ANO6: variants seen among roughly 807,000 people sequenced by gnomAD.
ANO6 encodes anoctamin 6, also known as anoctamin-6.
A neutral mutation model predicts 117.5 loss-of-function variants in ANO6; 106 were observed. The observed-to-expected ratio is 0.90, with a 90% CI of 0.77 to 1.06. ANO6 has a LOEUF of 1.06. Ranked by LOEUF, ANO6 falls within the 50% of genes least tolerant of loss-of-function variation. The probability of loss-of-function intolerance (pLI) is 0.00; values close to 1 mark genes in which losing one functional copy is unlikely to be tolerated. For missense variants in ANO6, 955 were observed against 1,121.1 expected, an observed-to-expected ratio of 0.85 and a Z score of 2.12; for synonymous variants, 367 against 385.1, an observed-to-expected ratio of 0.95 and a Z score of 0.55.
At chr12:45,407,260 G>A (rs879309071) in intron 15 of ANO6, among the ~76,000 whole-genome samples, 6 of 152,196 alleles carry the variant, frequency 3.9e-5, no homozygotes, top group Non-Finnish European at 7.3e-5. Flanking sequence ...GTAGTTGCCA[G>A]GACAGAAGTT....
intron 15 of ANO6, among the ~76,000 whole-genome samples, 155 bp downstream of exon 15, chr12:45,403,691 A>G (rs1942859505): frequency 6.6e-6 from 1 of 152,214 alleles, no homozygotes; most frequent in Non-Finnish European, 1.5e-5. Flanking sequence ...TCCAGACAAC[A>G]TAGTCCAACC....
intron 1 of ANO6, among the ~76,000 whole-genome samples, chr12:45,241,370 A>C (rs1037054981): frequency 2.6e-5 from 4 of 152,196 alleles, no homozygotes; most frequent in African/African-American, 9.6e-5. Flanking sequence ...CATGCGTCAC[A>C]AAGTTCTCAT....
chr12:45,293,138 T>G (rs536152477), intron 1 of ANO6, among the ~76,000 whole-genome samples: 1 of 152,344 alleles, frequency 6.6e-6, no homozygotes, highest in South Asian at 2.1e-4. Flanking sequence ...ACTCTCTTAT[T>G]ATCTAAGCAA....
Position 45,288,058 on chromosome 12 carries a change from T to C in ANO6, c.71-13956T>C, listed in dbSNP as rs562950093. Among the ~76,000 whole-genome samples the C allele has an allele frequency of 4.9e-4, 75 of 152,256 alleles. No homozygotes were observed. The South Asian group carries it at 5.4e-3, about 11-fold the overall frequency. On this transcript the variant is annotated intron_variant, in intron 1 of 19. Coordinates refer to ENST00000320560, the MANE Select transcript of ANO6 (RefSeq NM_001025356.3). ...GTCCCCTCCACCCGTCAGATGGTCG[T>C]TATGGACTGAAGCCTCAGAAGAGCT...
intron 3 of ANO6, among the ~76,000 whole-genome samples, chr12:45,341,517 ATCAGT>A (rs769303237): frequency 3.3e-5 from 5 of 152,336 alleles, no homozygotes; most frequent in Middle Eastern, 3.4e-3. Flanking sequence ...ATACATTCTC[ATCAGT>A]GACCTACCTT....
chr12:45,263,534 A>G (rs1173215806), intron 1 of ANO6, among the ~76,000 whole-genome samples: 3 of 151,928 alleles, frequency 2.0e-5, no homozygotes, highest in Non-Finnish European at 4.4e-5. Flanking sequence ...TTAGGACACT[A>G]ATAATTGTTA....
chr12:45,283,116 A>G (rs930734339), intron 1 of ANO6, among the ~76,000 whole-genome samples: 13 of 152,352 alleles, frequency 8.5e-5, no homozygotes, highest in African/African-American at 3.1e-4. Flanking sequence ...TACACTCAAC[A>G]TCTTAACGTA....
chr12:45,420,441 C>A (rs1943329251), intron 17 of ANO6, among the ~76,000 whole-genome samples: 1 of 151,912 alleles, frequency 6.6e-6, no homozygotes, highest in East Asian at 1.9e-4. Context: ...CATAGTAAGA[C>A]CCTATCTCTA....
intron 8 of ANO6, among the ~76,000 whole-genome samples, chr12:45,362,817 C>G (rs1162845859): frequency 6.6e-6 from 1 of 152,014 alleles, no homozygotes; most frequent in Non-Finnish European, 1.5e-5. Flanking sequence ...AGATCTGTTC[C>G]TTCTCTACTC....
chr12:45,304,615 A>G (rs1459768664), intron 2 of ANO6, among the ~76,000 whole-genome samples: 1 of 152,238 alleles, frequency 6.6e-6, no homozygotes, highest in Non-Finnish European at 1.5e-5. Context: ...TTCAGATTTT[A>G]GAAGGATCAA....
chr12:45,262,058 TG>T, intron 1 of ANO6, among the ~76,000 whole-genome samples: 1 of 152,318 alleles, frequency 6.6e-6, no homozygotes, highest in Non-Finnish European at 1.5e-5. Flanking sequence ...TGCTGCTTGA[TG>T]TCTTTTTCCA....
chr12:45,355,902 C>T (rs963622412), intron 7 of ANO6, among the ~76,000 whole-genome samples: 1 of 152,150 alleles, frequency 6.6e-6, no homozygotes, highest in African/African-American at 2.4e-5. Flanking sequence ...GGAGTTCAGC[C>T]CAGCTCCATA....
chr12:45,307,837 G>A (rs767368320), intron 2 of ANO6, among the ~76,000 whole-genome samples: 29 of 152,148 alleles, frequency 1.9e-4, no homozygotes, highest in Middle Eastern at 3.4e-3. Context: ...AGTGAAGAAA[G>A]TATAAAGTAG....
intron 3 of ANO6, 133 bp downstream of exon 3, chr12:45,331,556 C>T (rs1940666931): frequency 2.2e-6 from 2 of 898,568 alleles, no homozygotes; most frequent in Non-Finnish European, 3.3e-6. Context: ...ATTTTCTCTG[C>T]TCATGTTTTC....
intron 2 of ANO6, among the ~76,000 whole-genome samples, chr12:45,320,949 T>G (rs1339874883): frequency 2.0e-5 from 3 of 152,226 alleles, no homozygotes; most frequent in Non-Finnish European, 4.4e-5. Context: ...ACCCCTGCCT[T>G]TTTTTGTTTT....
chr12:45,384,908 A>C (rs952329716), intron 10 of ANO6, among the ~76,000 whole-genome samples: 1 of 152,194 alleles, frequency 6.6e-6, no homozygotes, highest in Non-Finnish European at 1.5e-5. Context: ...CGATAAATCA[A>C]GGTACATCTG....
At position 45,429,107 on chromosome 12, in the gene ANO6, C is replaced by G. The variant is rs772053672; in HGVS notation, c.2529C>G (p.His843Gln). The G allele has an allele frequency of 6.2e-7, 1 of 1,613,122 alleles. No homozygotes were observed. Among genetic ancestry groups the G allele is most frequent in the Non-Finnish European group, 8.5e-7 (1 of 1,179,784 alleles). Residue 843 changes from histidine to glutamine, a missense_variant and splice_region_variant, in exon 20 of 20, where the codon CAC becomes CAG. His to Gln is a conservative substitution (Grantham distance 24). Coordinates refer to ENST00000320560, the MANE Select transcript of ANO6 (RefSeq NM_001025356.3). ...ATTTTTCTTCTTCTCTTCCCCAGCACGTCATCTACTCTGTGAAATTTTTCA... is the reference window on the plus strand; with the variant it reads ...ATTTTTCTTCTTCTCTTCCCCAGCAGGTCATCTACTCTGTGAAATTTTTCA... The part of the protein sequence containing the change: ...AKLAFIIVME[H>Q]VIYSVKFFIS...
chr12:45,231,511 C>A (rs904281194), intron 1 of ANO6, among the ~76,000 whole-genome samples: 1 of 152,038 alleles, frequency 6.6e-6, no homozygotes, highest in African/African-American at 2.4e-5. Context: ...TGTTTTTATC[C>A]CCAAATGAAG....
chr12:45,337,097 G>A lies in ANO6; in HGVS notation c.279+5674G>A, dbSNP rs527676322. On this transcript the variant is annotated intron_variant, in intron 3 of 19. Transcript: ENST00000320560. ...ATAAAGAAAGAAGTTTTGTACAGCT[G>A]TAGAGTGTGTTTGTGTTTTAAGCTA... is the stretch of plus-strand genomic sequence containing the variant. Among the ~76,000 whole-genome samples the A allele has an allele frequency of 2.3e-4, 35 of 152,226 alleles. No homozygotes were observed. In the Middle Eastern group the frequency reaches 0.02, roughly 89 times the overall value.
Sources: gnomAD v4.1 joint callset for allele counts (sites outside exome capture counted in the v4.1 genomes callset) on GRCh38, gnomAD v4.1.1 for gene constraint, MANE v1.5 for transcripts, NCBI Gene and HGNC (gene_info 2026-07-23, HGNC 2026-07-21) for gene names.